The following TCF20 variants were observed in gnomAD, a reference collection of about 807,000 sequenced individuals.
TCF20 encodes SPRE-binding protein.
TCF20 carries 3 observed loss-of-function variants against 148.6 expected under a neutral mutation model. That is an observed-to-expected ratio of 0.02 (90% CI 0.01 to 0.05). The LOEUF is 0.05. Ranked by LOEUF, TCF20 falls within the 10% of genes least tolerant of loss-of-function variation. The pLI is 1.00. For missense variants in TCF20, 2,350 were observed against 2,429.3 expected, an observed-to-expected ratio of 0.97 and a Z score of 0.69; for synonymous variants, 1,049 against 909.5, an observed-to-expected ratio of 1.15 and a Z score of -2.76.
At chr22:42,164,212 C>CTTTTTT (rs56079117) in intron 5 of TCF20, among the ~76,000 whole-genome samples, 52 of 83,508 alleles carry the variant, frequency 6.2e-4, no homozygotes, top group African/African-American at 2.3e-3. Flanking sequence ...TCATTTCTTT[C>CTTTTTT]TTTTTTTTTT....
In TCF20 at chr22:42,279,951, C is replaced by G. The variant is rs58580215; in HGVS notation, c.-37+3876G>C. Among the ~76,000 whole-genome samples the G allele has an allele frequency of 1.6e-5, 2 of 128,554 alleles. No homozygotes were observed. The highest frequency in any genetic ancestry group is 8.3e-5 in the Admixed American group (1 of 12,120). The allele number at this position is 128,554 out of a possible 152,430, so 84.3% of individuals were successfully genotyped here. On this transcript the variant is annotated intron_variant, in intron 1 of 5. Transcript: ENST00000359486. The surrounding 1 kb of genome is among the most constrained non-coding windows in gnomAD (Gnocchi z 4.3). Reference sequence around the variant, plus strand: ...GTGTTGTCTATGGGGCTCTTGTGCCCTCTGGGGGCCTCTGGGGAGCTGCTA... The same window carrying G: ...GTGTTGTCTATGGGGCTCTTGTGCCGTCTGGGGGCCTCTGGGGAGCTGCTA...
At chr22:42,205,409 T>G (rs527493618) in intron 2 of TCF20, among the ~76,000 whole-genome samples, 1 of 151,478 alleles carries the variant, frequency 6.6e-6, no homozygotes, top group Admixed American at 6.6e-5. Flanking sequence ...TCTTGAGGAC[T>G]TCCCAATATT....
At chr22:42,236,799 C>G (rs577043597) in intron 1 of TCF20, among the ~76,000 whole-genome samples, 7 of 152,312 alleles carry the variant, frequency 4.6e-5, no homozygotes, top group South Asian at 4.1e-4. Flanking sequence ...TCTGGTTTTC[C>G]AGCACATATT....
intron 1 of TCF20, among the ~76,000 whole-genome samples, chr22:42,235,529 A>G (rs1923809066): frequency 6.6e-6 from 1 of 152,222 alleles, no homozygotes; most frequent in Non-Finnish European, 1.5e-5. Context: ...ATCATCTAGA[A>G]ATAGGATTTT....
chr22:42,262,797 A>T (rs1926098289), intron 1 of TCF20, among the ~76,000 whole-genome samples: 1 of 152,116 alleles, frequency 6.6e-6, no homozygotes, highest in Non-Finnish European at 1.5e-5. Flanking sequence ...AGTCAGGGTT[A>T]TACACCTGGT....
intron 1 of TCF20, among the ~76,000 whole-genome samples, chr22:42,301,827 T>C (rs1927341513): frequency 6.6e-6 from 1 of 152,178 alleles, no homozygotes; most frequent in Non-Finnish European, 1.5e-5. Flanking sequence ...CCCTGGTAGA[T>C]TTCAGTTCTC....
chr22:42,295,402 G>A (rs1378038705), intron 1 of TCF20, among the ~76,000 whole-genome samples: 1 of 150,756 alleles, frequency 6.6e-6, no homozygotes, highest in Non-Finnish European at 1.5e-5. Context: ...TGCCCTGGCT[G>A]TCCCCCTCCC....
At chr22:42,192,812 A>C (rs1049914757) in intron 2 of TCF20, among the ~76,000 whole-genome samples, 1 of 152,150 alleles carries the variant, frequency 6.6e-6, no homozygotes, top group Non-Finnish European at 1.5e-5. Flanking sequence ...AACCTACTGG[A>C]AGGAAAAACT....
intron 2 of TCF20, among the ~76,000 whole-genome samples, chr22:42,202,850 T>C (rs1206350513): frequency 2.0e-5 from 3 of 152,340 alleles, no homozygotes; most frequent in South Asian, 2.1e-4. Flanking sequence ...AGCCTTGACA[T>C]AGAGCTTCTC....
At chr22:42,306,499 C>G (rs1456994361) in intron 1 of TCF20, among the ~76,000 whole-genome samples, 8 of 152,210 alleles carry the variant, frequency 5.3e-5, no homozygotes, top group Admixed American at 5.2e-4. Flanking sequence ...TCCATTACCT[C>G]TACTTGACAG....
chr22:42,182,425 C>T (rs1249770347), intron 2 of TCF20, among the ~76,000 whole-genome samples: 4 of 152,158 alleles, frequency 2.6e-5, no homozygotes, highest in African/African-American at 7.2e-5. Context: ...TCTACAAAGA[C>T]CATCTCATGA....
chr22:42,161,223 T>C lies in TCF20; in HGVS notation c.*180A>G, dbSNP rs1948361857. ...TGGTGTCACTGGTTTGAGTGTGATGTGAGAACTTAAGGAAGTGCTGGCATG... is the reference window on the plus strand; with the variant it reads ...TGGTGTCACTGGTTTGAGTGTGATGCGAGAACTTAAGGAAGTGCTGGCATG... On this transcript the variant is annotated 3_prime_UTR_variant, in exon 6 of 6. Transcript: ENST00000677622. The C allele has an allele frequency of 7.9e-7, 1 of 1,258,954 alleles. No individual in the cohort carries two copies. The highest frequency in any genetic ancestry group is 1.1e-6 in the Non-Finnish European group (1 of 896,008). 78.0% of individuals were successfully genotyped at this position (1,258,954 alleles called of 1,614,324 possible).
chr22:42,193,369 T>C (rs1487170767), intron 2 of TCF20, among the ~76,000 whole-genome samples: 5 of 151,148 alleles, frequency 3.3e-5, no homozygotes, highest in African/African-American at 1.2e-4. Context: ...TGAGCTTTGA[T>C]TGTGCCACTG....
chr22:42,185,301 G>GCTCATGCTCACAATA (rs1936991383), intron 2 of TCF20, among the ~76,000 whole-genome samples: 1 of 152,194 alleles, frequency 6.6e-6, no homozygotes, highest in Non-Finnish European at 1.5e-5. Context: ...ACTTACTCAT[G>GCTCATGCTCACAATA]TTTGTCCATC....
chr22:42,311,480 G>A (rs1927535929), intron 1 of TCF20, among the ~76,000 whole-genome samples: 1 of 152,216 alleles, frequency 6.6e-6, no homozygotes, highest in African/African-American at 2.4e-5. Context: ...AGGACAAAAG[G>A]CTGTGAGGAT....
In TCF20 at chr22:42,210,911, T is replaced by C. The variant is rs777951163; in HGVS notation, c.4395A>G (p.Thr1465=). The C allele has an allele frequency of 7.4e-6, 12 of 1,614,030 alleles. No homozygotes were observed. In the South Asian group the frequency reaches 1.2e-4, roughly 16 times the overall value. ...TAGKEPPGAM[T]STTSQKPGSN... is the part of the protein sequence containing the mutation. Reference sequence around the variant, plus strand: ...TACCAGGCTTCTGTGAGGTTGTGGATGTCATGGCACCAGGGGGTTCCTTTC... The same window carrying C: ...TACCAGGCTTCTGTGAGGTTGTGGACGTCATGGCACCAGGGGGTTCCTTTC... Residue 1465 remains threonine (T), a synonymous_variant, in exon 2 of 6, where the codon ACA becomes ACG. Transcript: ENST00000677622. The surrounding 1 kb of genome is among the most constrained non-coding windows in gnomAD (Gnocchi z 4.7).
chr22:42,279,801 G>A lies in TCF20; in HGVS notation c.-37+4026C>T, dbSNP rs1441209836. 2.6e-5 allele frequency among the ~76,000 whole-genome samples: 4 copies of A among 152,240 alleles called. No individual in the cohort carries two copies. The highest frequency in any genetic ancestry group is 5.9e-5 in the Non-Finnish European group (4 of 68,038). The stretch of plus-strand genomic sequence containing the variant: ...ATCCCAAAGCTTCTGCTGAGGGGAG[G>A]AGGGAGAGTGAATGAGCCACTGGGG... On this transcript the variant is annotated intron_variant, in intron 1 of 5. Coordinates refer to the TCF20 transcript ENST00000359486. This position sits in a 1 kb window ranked among gnomAD's most constrained non-coding sequence, Gnocchi z 4.3.
chr22:42,277,915 A>T (rs945452676), intron 1 of TCF20, among the ~76,000 whole-genome samples: 4 of 152,228 alleles, frequency 2.6e-5, no homozygotes, highest in Admixed American at 1.3e-4. Flanking sequence ...CTTCATCCTC[A>T]TCAGCCAGGC....
chr22:42,180,994 G>A (rs534365452), intron 2 of TCF20, among the ~76,000 whole-genome samples: 1 of 152,252 alleles, frequency 6.6e-6, no homozygotes, highest in East Asian at 1.9e-4. Context: ...ATGTGCCCTC[G>A]CACCCTTGTT....
Sources: gnomAD v4.1 joint callset for allele counts (sites outside exome capture counted in the v4.1 genomes callset) on GRCh38, gnomAD v4.1.1 for gene constraint, Gnocchi (gnomAD v3.1) non-coding constraint, MANE v1.5 for transcripts, NCBI Gene and HGNC (gene_info 2026-07-23, HGNC 2026-07-21) for gene names.